Variants in DDHD2 observed in about 807,000 individuals in gnomAD.
DDHD2 encodes DDHD domain containing 2.
Under a neutral mutation model 91.2 loss-of-function variants are expected in DDHD2, and 62 were observed. The ratio of observed to expected loss-of-function variants is 0.68; its 90% CI spans 0.55 to 0.84. DDHD2 has a LOEUF of 0.84. Among genes scored for constraint, DDHD2 ranks in the 40% least tolerant of loss-of-function variants. DDHD2 has a pLI of 0.00. For missense variants in DDHD2, 740 were observed against 846.9 expected (o/e 0.87, Z 1.57); for synonymous variants, 271 against 293.9 (o/e 0.92, Z 0.80).
intron 16 of DDHD2, among the ~76,000 whole-genome samples, chr8:38,254,568 C>T (rs866965548): frequency 1.3e-4 from 20 of 151,928 alleles, no homozygotes; most frequent in Admixed American, 4.6e-4. Flanking sequence ...GACAGGGTTT[C>T]GCCATGTTGC....
chr8:38,269,316 G>GAAGA (rs2130963916), intron 1 of DDHD2: 1 of 1,100,746 alleles, frequency 9.1e-7, no homozygotes, highest in Admixed American at 4.1e-5. Context: ...GGCTCCCCAG[G>GAAGA]AAGACGGCCT....
intron 9 of DDHD2, chr8:38,246,691 AATTAGCTGGGC>A: frequency 5.7e-6 from 1 of 176,744 alleles, no homozygotes; most frequent in Non-Finnish European, 1.2e-5. Flanking sequence ...AAAATACAAA[AATTAGCTGGGC>A]ATGGTGGTGT....
chr8:38,258,959 A>G (rs1806748987), intron 16 of DDHD2, among the ~76,000 whole-genome samples: 1 of 152,224 alleles, frequency 6.6e-6, no homozygotes, highest in African/African-American at 2.4e-5. Context: ...CATACGTAGA[A>G]TAATATCTGG....
In DDHD2 at chr8:38,254,391, C is replaced by T. The variant is rs568230019; in HGVS notation, c.2054+673C>T. Among the ~76,000 whole-genome samples the T allele has an allele frequency of 3.3e-5, 5 of 151,982 alleles. No individual in the cohort carries two copies. The South Asian group carries it at 1.0e-3, about 32-fold the overall frequency. On this transcript the variant is annotated intron_variant, in intron 16 of 17. Transcript: ENST00000397166. The stretch of plus-strand genomic sequence containing the variant: ...ACAGAATTAATTATTATTATTTTAT[C>T]ATTATTTGAGACAGGGTCTTGCTGT...
In DDHD2 at chr8:38,232,984, T is replaced by C. The variant is rs1804410694; in HGVS notation, c.-8-3T>C. 6.2e-7 allele frequency: 1 copy of C among 1,612,476 alleles called. No individual in the cohort carries two copies. ...TTTCCTGATAGTTTTCTTTTGTCTTTAGAGAGCGAAATGTCATCAGTGCAG... is the reference window on the plus strand; with the variant it reads ...TTTCCTGATAGTTTTCTTTTGTCTTCAGAGAGCGAAATGTCATCAGTGCAG... On this transcript the variant is annotated splice_polypyrimidine_tract_variant and splice_region_variant and intron_variant, in intron 1 of 17. Transcript: ENST00000397166.
At chr8:38,267,796 A>C, downstream of DDHD2, 1 of 1,197,056 alleles carries the variant, frequency 8.4e-7, no homozygotes, top group South Asian at 1.3e-5. Flanking sequence ...AAGATAAAGG[A>C]GAAAAGAATG....
At chr8:38,269,188 C>T (rs1808303138) in intron 1 of DDHD2, 15 of 1,502,176 alleles carry the variant, frequency 1.0e-5, no homozygotes, top group Non-Finnish European at 1.3e-5. Flanking sequence ...CCGCCGCCGC[C>T]GCCTTCCCCA....
downstream of DDHD2, chr8:38,266,453 T>G: frequency 1.3e-6 from 1 of 785,562 alleles, no homozygotes; most frequent in Non-Finnish European, 2.0e-6. Flanking sequence ...CAGGCTGGAG[T>G]GCAGTGGCAC....
At chr8:38,268,175 T>A (rs764734443) in intron 1 of DDHD2, 1 of 1,237,146 alleles carries the variant, frequency 8.1e-7, no homozygotes, top group Non-Finnish European at 1.1e-6. Flanking sequence ...ACCCAGTGCA[T>A]TTAGGCACAG....
intron 17 of DDHD2, 86 bp downstream of exon 17, chr8:38,260,233 A>G (rs1585775857): frequency 5.7e-6 from 4 of 703,826 alleles, no homozygotes; most frequent in Non-Finnish European, 9.5e-6. Context: ...CTCTTTTTAA[A>G]TATACTAGCT....
intron 15 of DDHD2, 66 bp downstream of exon 15, chr8:38,253,193 A>G (rs1207850500): frequency 7.1e-6 from 10 of 1,417,204 alleles, no homozygotes; most frequent in African/African-American, 1.5e-5. Context: ...GGCGTTTTTC[A>G]TAGTTAATTT....
At chr8:38,269,007 A>C (rs1483860743) in intron 1 of DDHD2, 4 of 1,568,002 alleles carry the variant, frequency 2.6e-6, no homozygotes, top group Non-Finnish European at 3.4e-6. Context: ...GGGAACAAAG[A>C]AGCGCAGAGC....
At chr8:38,259,066 TA>T in intron 16 of DDHD2, among the ~76,000 whole-genome samples, 1 of 152,288 alleles carries the variant, frequency 6.6e-6, no homozygotes, top group South Asian at 2.1e-4. Flanking sequence ...TACTTTCTTA[TA>T]TTGTTGGAAT....
At chr8:38,251,759 T>G (rs1320113425) in intron 11 of DDHD2, 153 bp from the exon 12 acceptor site, 1 of 583,434 alleles carries the variant, frequency 1.7e-6, no homozygotes, top group East Asian at 2.8e-5. Flanking sequence ...CATACTTTTT[T>G]TTTAAATAGA....
intron 1 of DDHD2, chr8:38,269,689 A>C (rs1808364714): frequency 6.4e-6 from 1 of 157,190 alleles, no homozygotes. Context: ...GCAAAGAACA[A>C]GCCCACATAT....
chr8:38,268,110 C>G (rs1563329716), intron 1 of DDHD2: 5 of 1,460,596 alleles, frequency 3.4e-6, no homozygotes, highest in South Asian at 2.9e-5. Context: ...AGTGATCACT[C>G]TTTTGTAGCC....
At chr8:38,238,054 G>T (rs892016487) in intron 4 of DDHD2, 35 bp from the exon 5 acceptor site, 1 of 1,556,810 alleles carries the variant, frequency 6.4e-7, no homozygotes, top group Admixed American at 2.1e-5. Context: ...TTGTATTGCA[G>T]AATATTTTTA....
intron 12 of DDHD2, 29 bp downstream of exon 12, chr8:38,252,057 G>A: frequency 6.2e-7 from 1 of 1,612,142 alleles, no homozygotes; most frequent in South Asian, 1.1e-5. Flanking sequence ...TCATTTTACA[G>A]CCTGCTATTT....
At chr8:38,250,782 A>C (rs372645226) in intron 11 of DDHD2, 2 of 151,950 alleles carry the variant, frequency 1.3e-5, no homozygotes, top group African/African-American at 4.8e-5. Flanking sequence ...ATTTCAGCAC[A>C]TTTCCATTGT....
Sources: allele counts gnomAD v4.1 joint callset (sites outside exome capture counted in the v4.1 genomes callset), GRCh38; gene constraint gnomAD v4.1.1; transcripts MANE v1.5; gene names NCBI Gene and HGNC (gene_info 2026-07-23, HGNC 2026-07-21).